The following LARGE1 variants were observed in gnomAD, a reference collection of about 807,000 sequenced individuals.
LARGE1 encodes the protein LARGE xylosyl- and glucuronyltransferase 1, also known as xylosyl- and glucuronyltransferase LARGE1.
LARGE1 carries 43 observed loss-of-function variants against 87.6 expected under a neutral mutation model. The observed-to-expected ratio is 0.49, with a 90% CI of 0.38 to 0.63. The LOEUF is 0.63. Among genes scored for constraint, LARGE1 ranks in the 30% least tolerant of loss-of-function variants. The pLI, the probability that LARGE1 is intolerant of heterozygous loss-of-function variation, is 0.00. For synonymous variants in LARGE1, 434 were observed against 394.6 expected (o/e 1.10, Z -1.18); for missense variants, 802 against 1,000.2 (o/e 0.80, Z 2.67).
intron 11 of LARGE1, among the ~76,000 whole-genome samples, chr22:33,206,578 C>T (rs1440032963): frequency 2.6e-5 from 4 of 152,110 alleles, no homozygotes; most frequent in Admixed American, 2.6e-4. Flanking sequence ...AACAAATGAC[C>T]AGCCACCCAA....
intron 10 of LARGE1, among the ~76,000 whole-genome samples, chr22:33,330,759 C>G (rs1937610078): frequency 6.6e-6 from 1 of 152,190 alleles, no homozygotes; most frequent in South Asian, 2.1e-4. Flanking sequence ...TGTCCTAGAG[C>G]AAGCAGCCCA....
At chr22:33,428,736 C>T (rs1242447872) in intron 7 of LARGE1, among the ~76,000 whole-genome samples, 7 of 129,032 alleles carry the variant, frequency 5.4e-5, no homozygotes, top group Admixed American at 1.7e-4. Flanking sequence ...TTCTGGCTAA[C>T]GTGGTGAAAC....
intron 11 of LARGE1, among the ~76,000 whole-genome samples, chr22:33,249,562 G>C (rs143994462): frequency 3.3e-5 from 5 of 152,242 alleles, no homozygotes; most frequent in Admixed American, 6.5e-5. Flanking sequence ...TAGCCTATTA[G>C]TTATTTCTTC....
chr22:33,800,730 TC>T (rs2086134533), intron 1 of LARGE1, among the ~76,000 whole-genome samples: 1 of 152,204 alleles, frequency 6.6e-6, no homozygotes, highest in African/African-American at 2.4e-5. Context: ...TCAAGTTCAT[TC>T]CTTTTTCTCG....
At chr22:33,507,215 G>C (rs1168297764) in intron 6 of LARGE1, among the ~76,000 whole-genome samples, 1 of 152,172 alleles carries the variant, frequency 6.6e-6, no homozygotes, top group East Asian at 1.9e-4. Flanking sequence ...CAATGGCATA[G>C]AGACCCGAGA....
intron 11 of LARGE1, among the ~76,000 whole-genome samples, chr22:33,182,873 T>C (rs1352343566): frequency 1.3e-5 from 2 of 152,120 alleles, no homozygotes; most frequent in African/African-American, 4.8e-5. Flanking sequence ...GAAGAAAACA[T>C]AGGAGAAAAG....
intron 1 of LARGE1, among the ~76,000 whole-genome samples, chr22:33,831,063 T>C (rs1037716124): frequency 3.3e-5 from 5 of 152,170 alleles, no homozygotes; most frequent in African/African-American, 1.2e-4. Flanking sequence ...ACGATGATAC[T>C]GCTCACATAT....
At chr22:33,674,456 C>T (rs1167666863) in intron 2 of LARGE1, among the ~76,000 whole-genome samples, 1 of 152,210 alleles carries the variant, frequency 6.6e-6, no homozygotes, top group Non-Finnish European at 1.5e-5. Flanking sequence ...GTTCAAAATG[C>T]CAATCTGATC....
chr22:33,583,716 G>A (rs2078586856), intron 5 of LARGE1, among the ~76,000 whole-genome samples: 1 of 152,014 alleles, frequency 6.6e-6, no homozygotes, highest in Admixed American at 6.6e-5. Context: ...AGGACAGTTG[G>A]GTCCCCCCCA....
chr22:33,589,914 C>T (rs1359763806), intron 5 of LARGE1, among the ~76,000 whole-genome samples: 2 of 140,560 alleles, frequency 1.4e-5, no homozygotes, highest in Admixed American at 7.0e-5. Flanking sequence ...TGTAGTTCCG[C>T]TGCACTGTGG....
intron 13 of LARGE1, 143 bp from the exon 14 acceptor site, chr22:33,277,398 G>A (rs1261658297): frequency 2.6e-6 from 2 of 774,144 alleles, no homozygotes; most frequent in Admixed American, 4.1e-5. Flanking sequence ...CTATGTTGAA[G>A]TCCTAACCCC....
At chr22:33,249,602 A>T (rs1374608193) in intron 11 of LARGE1, among the ~76,000 whole-genome samples, 1 of 152,204 alleles carries the variant, frequency 6.6e-6, no homozygotes, top group Non-Finnish European at 1.5e-5. Context: ...GTCGTATCTA[A>T]AAGTCATTAC....
chr22:33,794,750 G>C (rs2085929361), intron 1 of LARGE1, among the ~76,000 whole-genome samples: 1 of 152,106 alleles, frequency 6.6e-6, no homozygotes, highest in African/African-American at 2.4e-5. Context: ...CTCCCGAGTA[G>C]CTGGGATTAC....
At chr22:33,796,401 G>C (rs1023662451) in intron 1 of LARGE1, among the ~76,000 whole-genome samples, 5 of 152,132 alleles carry the variant, frequency 3.3e-5, no homozygotes, top group African/African-American at 1.2e-4. Flanking sequence ...CAGCGTCGCC[G>C]ACTTCTGACT....
chr22:33,704,011 T>C (rs998018952), intron 2 of LARGE1, among the ~76,000 whole-genome samples: 2 of 152,226 alleles, frequency 1.3e-5, no homozygotes, highest in Non-Finnish European at 2.9e-5. Flanking sequence ...GTTTAAGTTT[T>C]ATCCTCAATG....
In LARGE1 at chr22:33,498,388, T is replaced by G. The variant is rs539958035; in HGVS notation, c.788-66123A>C. On this transcript the variant is annotated intron_variant, in intron 6 of 14. Coordinates refer to ENST00000397394, the MANE Select transcript of LARGE1 (RefSeq NM_133642.5). ...TCTACAACTTTTTAGAATGACTTGG[T>G]AGGAAAAAGCAAGCTGTGATTAGAA... Among the ~76,000 whole-genome samples, 3 of 152,290 alleles carry G rather than the reference T, an allele frequency of 2.0e-5. No homozygotes were observed. In the South Asian group the frequency reaches 6.2e-4, roughly 32 times the overall value.
chr22:33,401,746 C>A (rs538489814), intron 7 of LARGE1, among the ~76,000 whole-genome samples: 1 of 152,120 alleles, frequency 6.6e-6, no homozygotes. Flanking sequence ...GAGAAGGGTG[C>A]GATAAAACCA....
chr22:33,168,583 C>T (rs1020387948), intron 11 of LARGE1, among the ~76,000 whole-genome samples: 2 of 133,238 alleles, frequency 1.5e-5, no homozygotes, highest in Admixed American at 7.4e-5. Context: ...GCATGAAATG[C>T]TAATTAATGT....
At chr22:33,500,570 A>T (rs1252500861) in intron 6 of LARGE1, among the ~76,000 whole-genome samples, 1 of 152,202 alleles carries the variant, frequency 6.6e-6, no homozygotes, top group Admixed American at 6.5e-5. Context: ...AACGTGGGTA[A>T]GGGCACAGTG....
Sources: allele counts gnomAD v4.1 joint callset (sites outside exome capture counted in the v4.1 genomes callset), GRCh38; gene constraint gnomAD v4.1.1; transcripts MANE v1.5; gene names NCBI Gene and HGNC (gene_info 2026-07-23, HGNC 2026-07-21).